Variants in LHFPL6 observed in about 807,000 individuals in gnomAD.
LHFPL6 encodes the protein LHFPL tetraspan subfamily member 6.
In LHFPL6, 9 loss-of-function variants were observed where a neutral mutation model predicts 20.6. The ratio of observed to expected loss-of-function variants is 0.44; its 90% confidence interval spans 0.26 to 0.76. The LOEUF is 0.76. LHFPL6 is among the 30% of genes least tolerant of loss of function. LHFPL6 has a pLI of 0.20. For synonymous variants in LHFPL6, 105 were observed against 98.7 expected, an observed-to-expected ratio of 1.06 and a Z score of -0.38; for missense variants, 218 against 253.5, an observed-to-expected ratio of 0.86 and a Z score of 0.95.
intron 2 of LHFPL6, among the ~76,000 whole-genome samples, chr13:39,547,596 AT>A (rs1871020688): frequency 6.6e-6 from 1 of 152,120 alleles, no homozygotes; most frequent in African/African-American, 2.4e-5. Context: ...ACAGTGAGAT[AT>A]TGCAGCAAAT....
chr13:39,567,913 C>T (rs1357103540), intron 2 of LHFPL6, among the ~76,000 whole-genome samples: 1 of 152,204 alleles, frequency 6.6e-6, no homozygotes, highest in Non-Finnish European at 1.5e-5. Context: ...CTATGGCCCA[C>T]GAAGCCAAAA....
rs1469398462 is a variant in LHFPL6, at chr13:39,355,451, C to A, written c.485-11397G>T. 2.0e-5 allele frequency among the ~76,000 whole-genome samples: 3 copies of A among 152,102 alleles called. No individual in the cohort carries two copies. The East Asian group carries it at 5.8e-4, about 29-fold the overall frequency. On this transcript the variant is annotated intron_variant, in intron 3 of 3. Coordinates refer to ENST00000379589, the MANE Select transcript of LHFPL6 (RefSeq NM_005780.3). ...CAAAAACACATTTAAGTACCTAGTACACATATCCTATAAAATAATCACACA... is the reference window on the plus strand; with the variant it reads ...CAAAAACACATTTAAGTACCTAGTAAACATATCCTATAAAATAATCACACA...
chr13:39,561,819 T>C (rs903447236), intron 2 of LHFPL6, among the ~76,000 whole-genome samples: 1 of 152,218 alleles, frequency 6.6e-6, no homozygotes, highest in African/African-American at 2.4e-5. Flanking sequence ...GTGACTACTC[T>C]GTAAATGTTT....
chr13:39,481,029 TG>T (rs1446004662), intron 2 of LHFPL6, among the ~76,000 whole-genome samples: 1 of 152,220 alleles, frequency 6.6e-6, no homozygotes, highest in Non-Finnish European at 1.5e-5. Flanking sequence ...GATGGATTTT[TG>T]GCAAATTATT....
At chr13:39,380,722 A>G (rs1349303864) in intron 2 of LHFPL6, among the ~76,000 whole-genome samples, 1 of 152,044 alleles carries the variant, frequency 6.6e-6, no homozygotes, top group Non-Finnish European at 1.5e-5. Context: ...AGAACTCCTG[A>G]CCACAGGTGA....
At chr13:39,545,039 G>A (rs1340578128) in intron 2 of LHFPL6, among the ~76,000 whole-genome samples, 4 of 151,536 alleles carry the variant, frequency 2.6e-5, no homozygotes, top group Admixed American at 6.6e-5. Context: ...TCAGGAGATC[G>A]AGACCATCCT....
intron 2 of LHFPL6, among the ~76,000 whole-genome samples, chr13:39,484,038 T>C (rs1868628634): frequency 1.3e-5 from 2 of 152,184 alleles, no homozygotes; most frequent in Non-Finnish European, 1.5e-5. Context: ...TACATAAGTA[T>C]TGGCTCTTCT....
At chr13:39,437,674 C>G (rs989562114) in intron 2 of LHFPL6, among the ~76,000 whole-genome samples, 7 of 152,114 alleles carry the variant, frequency 4.6e-5, no homozygotes, top group Non-Finnish European at 1.0e-4. Flanking sequence ...GAGGCTGAGG[C>G]GGGCGGATCA....
In LHFPL6 at chr13:39,343,792, G is replaced by T; in HGVS notation, c.*144C>A. 8.5e-6 allele frequency: 5 copies of T among 588,626 alleles called. No homozygotes were observed. The highest frequency in any genetic ancestry group is 6.0e-6 in the Non-Finnish European group (2 of 335,106). 36.5% of individuals were successfully genotyped at this position (588,626 alleles called of 1,614,324 possible). Reference sequence around the variant, plus strand: ...CTACAATCCTTCCTTCCTATATCATGTTCCTGATTTTATCGGGTTTCATTT... The same window carrying T: ...CTACAATCCTTCCTTCCTATATCATTTTCCTGATTTTATCGGGTTTCATTT... On this transcript the variant is annotated 3_prime_UTR_variant, in exon 4 of 4. Transcript: ENST00000379589.
chr13:39,586,073 A>G (rs1872438385), intron 2 of LHFPL6, among the ~76,000 whole-genome samples: 1 of 152,190 alleles, frequency 6.6e-6, no homozygotes, highest in South Asian at 2.1e-4. Flanking sequence ...TAATAAAATA[A>G]GAATAGATTC....
intron 2 of LHFPL6, among the ~76,000 whole-genome samples, chr13:39,382,658 G>T (rs1870473963): frequency 6.6e-6 from 1 of 152,094 alleles, no homozygotes; most frequent in African/African-American, 2.4e-5. Flanking sequence ...AAACTGCTGG[G>T]ATTACAGGTG....
At chr13:39,455,576 A>G (rs1043608989) in intron 2 of LHFPL6, among the ~76,000 whole-genome samples, 2 of 152,242 alleles carry the variant, frequency 1.3e-5, no homozygotes, top group African/African-American at 4.8e-5. Context: ...TGCTTAGTGC[A>G]GCACCAATGA....
At chr13:39,538,780 A>G (rs1447218650) in intron 2 of LHFPL6, among the ~76,000 whole-genome samples, 1 of 152,176 alleles carries the variant, frequency 6.6e-6, no homozygotes, top group African/African-American at 2.4e-5. Flanking sequence ...TTGGTTATAC[A>G]GCAACATTAT....
chr13:39,502,387 T>A (rs1396542259), intron 2 of LHFPL6, among the ~76,000 whole-genome samples: 1 of 151,272 alleles, frequency 6.6e-6, no homozygotes, highest in Admixed American at 6.6e-5. Flanking sequence ...GAGAGGCCAA[T>A]GCGGCAGGAT....
intron 2 of LHFPL6, among the ~76,000 whole-genome samples, chr13:39,408,373 T>C (rs557375623): frequency 6.6e-6 from 1 of 152,340 alleles, no homozygotes; most frequent in Admixed American, 6.5e-5. Context: ...AGATATCTTT[T>C]CATCCCCAAA....
At chr13:39,460,856 CA>C (rs1442900138) in intron 2 of LHFPL6, among the ~76,000 whole-genome samples, 2 of 151,978 alleles carry the variant, frequency 1.3e-5, no homozygotes, top group Non-Finnish European at 2.9e-5. Context: ...ATTTTAGGTT[CA>C]GGGGGTGCAT....
chr13:39,591,166 A>G (rs532162696), intron 2 of LHFPL6, among the ~76,000 whole-genome samples: 2 of 152,352 alleles, frequency 1.3e-5, no homozygotes, highest in South Asian at 2.1e-4. Context: ...AAAGTAAAAA[A>G]TAGTAACTCA....
chr13:39,350,794 C>CA (rs1174404665), intron 3 of LHFPL6, among the ~76,000 whole-genome samples: 1 of 152,188 alleles, frequency 6.6e-6, no homozygotes, highest in Admixed American at 6.5e-5. Context: ...ATACCATAGC[C>CA]ACCTGCCAAG....
At chr13:39,395,508 G>A (rs1870818845) in intron 2 of LHFPL6, among the ~76,000 whole-genome samples, 1 of 152,168 alleles carries the variant, frequency 6.6e-6, no homozygotes, top group Admixed American at 6.5e-5. Flanking sequence ...GGAGATCACA[G>A]CCTCCCAAAG....
Sources: gnomAD v4.1 joint callset for allele counts (sites outside exome capture counted in the v4.1 genomes callset) on GRCh38, gnomAD v4.1.1 for gene constraint, MANE v1.5 for transcripts, NCBI Gene and HGNC (gene_info 2026-07-23, HGNC 2026-07-21) for gene names.